Variants in PUM2 observed in about 807,000 individuals in gnomAD.
The protein encoded by PUM2 is pumilio RNA binding family member 2.
Under a neutral mutation model 124.5 loss-of-function variants are expected in PUM2, and 57 were observed. The observed-to-expected ratio is 0.46, with a 90% CI of 0.37 to 0.57. PUM2 has a LOEUF of 0.57. Among genes scored for constraint, PUM2 ranks in the 20% least tolerant of loss-of-function variants. The probability of loss-of-function intolerance (pLI) is 0.00; values close to 1 mark genes in which losing one functional copy is unlikely to be tolerated. For missense variants in PUM2, 1,065 were observed against 1,290.6 expected, an observed-to-expected ratio of 0.83 and a Z score of 2.68; for synonymous variants, 460 against 446.1, an observed-to-expected ratio of 1.03 and a Z score of -0.39.
chr2:20,266,969 T>C (rs1667802528), intron 13 of PUM2, among the ~76,000 whole-genome samples: 1 of 152,146 alleles, frequency 6.6e-6, no homozygotes, highest in South Asian at 2.1e-4. Context: ...AAACATATAC[T>C]TACTGTCAAG....
intron 2 of PUM2, among the ~76,000 whole-genome samples, chr2:20,324,559 A>G (rs1257690472): frequency 6.6e-6 from 1 of 152,232 alleles, no homozygotes; most frequent in Non-Finnish European, 1.5e-5. Context: ...AATAGGTATG[A>G]GCCTATGCAG....
intron 1 of PUM2, among the ~76,000 whole-genome samples, chr2:20,345,000 A>AAAAAG (rs1553412141): frequency 3.3e-4 from 49 of 148,978 alleles, no homozygotes; most frequent in African/African-American, 1.1e-3. Flanking sequence ...AAAAAAAAAA[A>AAAAAG]AAAAGAAAAG....
Position 20,339,869 on chromosome 2 carries a change from T to A in PUM2, c.-19+10728A>T, listed in dbSNP as rs183454639. 6.6e-3 allele frequency among the ~76,000 whole-genome samples: 1,006 copies of A among 152,302 alleles called. 12 individuals are homozygous for A. Among genetic ancestry groups the A allele is most frequent in the Non-Finnish European group, 0.011 (774 of 68,018 alleles). On this transcript the variant is annotated intron_variant, in intron 1 of 20. Coordinates refer to ENST00000361078, the MANE Select transcript of PUM2 (RefSeq NM_015317.5). ...GAGATCGTGCCACTGTACTCCAGCC[T>A]GGGCGATGAGTGAAACTCCATCTCA...
At chr2:20,263,774 A>C (rs928031497) in intron 13 of PUM2, among the ~76,000 whole-genome samples, 1 of 152,190 alleles carries the variant, frequency 6.6e-6, no homozygotes, top group Non-Finnish European at 1.5e-5. Context: ...ACTACCAACA[A>C]AATTTTCAGT....
At chr2:20,336,064 A>T (rs1685939974) in intron 1 of PUM2, among the ~76,000 whole-genome samples, 1 of 152,256 alleles carries the variant, frequency 6.6e-6, no homozygotes, top group Non-Finnish European at 1.5e-5. Flanking sequence ...AAACAGCCTC[A>T]ATCTATGCTG....
intron 10 of PUM2, among the ~76,000 whole-genome samples, chr2:20,290,043 A>G (rs1487370892): frequency 2.6e-5 from 4 of 152,200 alleles, no homozygotes; most frequent in African/African-American, 9.6e-5. Context: ...TTCTTCCTCC[A>G]TTATTATTAG....
intron 1 of PUM2, among the ~76,000 whole-genome samples, chr2:20,346,917 T>C (rs1281877187): frequency 6.6e-6 from 1 of 152,186 alleles, no homozygotes; most frequent in Non-Finnish European, 1.5e-5. Context: ...ACTACCTTTT[T>C]TTTCCTGTCC....
At chr2:20,266,903 T>C (rs1434729138) in intron 13 of PUM2, among the ~76,000 whole-genome samples, 1 of 152,182 alleles carries the variant, frequency 6.6e-6, no homozygotes, top group Non-Finnish European at 1.5e-5. Flanking sequence ...GTTGGCTGCT[T>C]TGATTAGTGG....
rs1041257818 is a variant in PUM2, at chr2:20,249,649, T to C, written c.*1936A>G. 2.0e-5 allele frequency: 3 copies of C among 152,646 alleles called. No homozygotes were observed. The highest frequency in any genetic ancestry group is 4.4e-5 in the Non-Finnish European group (3 of 68,032). The allele number at this position is 152,646 out of a possible 1,614,324, so 9.5% of individuals were successfully genotyped here. ...TAGATTCCATATTGTGCTCAGAAGATTGCGTTTCTTCTGCAGATCTCTAGT... is the reference window on the plus strand; with the variant it reads ...TAGATTCCATATTGTGCTCAGAAGACTGCGTTTCTTCTGCAGATCTCTAGT... On this transcript the variant is annotated 3_prime_UTR_variant, in exon 21 of 21. Transcript: ENST00000361078.
chr2:20,257,806 T>G (rs1040993447), intron 16 of PUM2, among the ~76,000 whole-genome samples: 1 of 152,342 alleles, frequency 6.6e-6, no homozygotes, highest in African/African-American at 2.4e-5. Context: ...AGAGGAATCT[T>G]GAGTTACTTT....
intron 1 of PUM2, among the ~76,000 whole-genome samples, chr2:20,348,919 G>T (rs1340482631): frequency 6.6e-6 from 1 of 152,246 alleles, no homozygotes; most frequent in Non-Finnish European, 1.5e-5. Flanking sequence ...GACAGAACCA[G>T]ACCCTGTCTC....
chr2:20,325,081 G>C (rs1683347509), intron 2 of PUM2, among the ~76,000 whole-genome samples: 2 of 152,170 alleles, frequency 1.3e-5, no homozygotes, highest in Admixed American at 1.3e-4. Context: ...ACTGGTGAGA[G>C]AGAGAGGCAA....
chr2:20,323,446 T>G (rs753897905), intron 2 of PUM2, among the ~76,000 whole-genome samples: 26 of 72,854 alleles, frequency 3.6e-4, no homozygotes, highest in Non-Finnish European at 5.6e-4. Context: ...AGACTCCATC[T>G]CAAAAAAAAA....
intron 16 of PUM2, among the ~76,000 whole-genome samples, chr2:20,256,728 T>C (rs1664861132): frequency 6.6e-6 from 1 of 152,154 alleles, no homozygotes; most frequent in Non-Finnish European, 1.5e-5. Context: ...GGTATCTTTG[T>C]TCTTTTATAA....
chr2:20,281,158 T>C (rs939159376), intron 12 of PUM2, among the ~76,000 whole-genome samples: 6 of 152,156 alleles, frequency 3.9e-5, no homozygotes, highest in African/African-American at 1.4e-4. Flanking sequence ...AGAGATACGA[T>C]GGACTCTTTA....
intron 2 of PUM2, among the ~76,000 whole-genome samples, chr2:20,320,267 A>G (rs1454212266): frequency 1.3e-5 from 2 of 152,144 alleles, no homozygotes; most frequent in Non-Finnish European, 2.9e-5. Flanking sequence ...AAACAAACAA[A>G]CAAAAAAGAG....
intron 2 of PUM2, 116 bp from the exon 3 acceptor site, chr2:20,318,761 T>C (rs907485294): frequency 4.8e-6 from 3 of 621,746 alleles, no homozygotes; most frequent in Non-Finnish European, 7.9e-6. Flanking sequence ...TAATGAAAAT[T>C]CAGAGTGACC....
At chr2:20,267,650 A>C (rs1047522399) in intron 13 of PUM2, among the ~76,000 whole-genome samples, 1 of 152,214 alleles carries the variant, frequency 6.6e-6, no homozygotes, top group African/African-American at 2.4e-5. Flanking sequence ...TTTAATCACT[A>C]TCTGCCTAAG....
chr2:20,297,050 G>A (rs1035262134), intron 8 of PUM2, among the ~76,000 whole-genome samples: 6 of 152,098 alleles, frequency 3.9e-5, no homozygotes, highest in Non-Finnish European at 8.8e-5. Context: ...GCAGTTTTTA[G>A]TACGTTCTTT....
Sources: gnomAD v4.1 joint callset for allele counts (sites outside exome capture counted in the v4.1 genomes callset) on GRCh38, gnomAD v4.1.1 for gene constraint, MANE v1.5 for transcripts, NCBI Gene and HGNC (gene_info 2026-07-23, HGNC 2026-07-21) for gene names.